The following NFIC variants were observed in gnomAD, a reference collection of about 807,000 sequenced individuals.
NFIC encodes nuclear factor I C.
NFIC carries 12 observed loss-of-function variants against 54.4 expected under a neutral mutation model. That is an observed-to-expected ratio of 0.22 (90% CI 0.14 to 0.36). The LOEUF is 0.36. Ranked by LOEUF, NFIC falls within the 10% of genes least tolerant of loss-of-function variation. The pLI is 1.00. For missense variants in NFIC, 575 were observed against 718.2 expected, an observed-to-expected ratio of 0.80 and a Z score of 2.28; for synonymous variants, 322 against 319.2, an observed-to-expected ratio of 1.01 and a Z score of -0.09.
chr19:3,417,099 A>C (rs1376998323), intron 2 of NFIC, among the ~76,000 whole-genome samples: 3 of 148,256 alleles, frequency 2.0e-5, no homozygotes, highest in African/African-American at 7.4e-5. Context: ...GTTAGCCAGG[A>C]TGGTCTCGAT....
intron 2 of NFIC, among the ~76,000 whole-genome samples, chr19:3,412,284 G>A (rs1452588286): frequency 6.6e-6 from 1 of 152,104 alleles, no homozygotes; most frequent in Non-Finnish European, 1.5e-5. Flanking sequence ...GTCTTGCTCT[G>A]TTGCCCAGGC....
intron 2 of NFIC, among the ~76,000 whole-genome samples, chr19:3,389,948 C>T (rs560663620): frequency 6.6e-6 from 1 of 152,344 alleles, no homozygotes; most frequent in East Asian, 1.9e-4. Flanking sequence ...TGCGCCATTG[C>T]GCTCCAGCCT....
intron 3 of NFIC, among the ~76,000 whole-genome samples, chr19:3,433,300 G>C (rs1235602401): frequency 6.6e-6 from 1 of 152,224 alleles, no homozygotes; most frequent in East Asian, 1.9e-4. Flanking sequence ...CACAGCATGG[G>C]GGAACCCGGA....
chr19:3,377,574 G>A (rs1402331735), intron 1 of NFIC, among the ~76,000 whole-genome samples: 3 of 151,956 alleles, frequency 2.0e-5, no homozygotes, highest in Admixed American at 2.0e-4. Flanking sequence ...CCTTGAGGCT[G>A]AGAAACTAGG....
At chr19:3,420,928 G>A (rs1234741018) in intron 2 of NFIC, among the ~76,000 whole-genome samples, 1 of 152,130 alleles carries the variant, frequency 6.6e-6, no homozygotes, top group Admixed American at 6.6e-5. Context: ...TCACCATGTG[G>A]GGCAGAATGG....
chr19:3,414,484 A>G (rs1353995755), intron 2 of NFIC, among the ~76,000 whole-genome samples: 2 of 151,778 alleles, frequency 1.3e-5, no homozygotes, highest in East Asian at 3.9e-4. Flanking sequence ...AGTCCCAGCT[A>G]CTCTGGAGGC....
chr19:3,388,355 C>T (rs543130119), intron 2 of NFIC, among the ~76,000 whole-genome samples: 9 of 152,200 alleles, frequency 5.9e-5, no homozygotes, highest in Non-Finnish European at 1.2e-4. Flanking sequence ...CCGAGGCCAC[C>T]GCTCACCCTA....
intron 3 of NFIC, among the ~76,000 whole-genome samples, chr19:3,426,314 A>G (rs1379881888): frequency 6.6e-6 from 1 of 152,028 alleles, no homozygotes; most frequent in Non-Finnish European, 1.5e-5. Flanking sequence ...CCTGAGCTCA[A>G]GTGATCCTCC....
rs570101716 is a variant in NFIC, at chr19:3,397,854, G to C, written c.562+15611G>C. 3.3e-5 allele frequency among the ~76,000 whole-genome samples: 5 copies of C among 152,282 alleles called. No individual in the cohort carries two copies. The South Asian group carries it at 1.0e-3, about 32-fold the overall frequency. On this transcript the variant is annotated intron_variant, in intron 2 of 10. Coordinates refer to ENST00000443272, the MANE Select transcript of NFIC (RefSeq NM_001245002.2). ...ACCCTCCCCAAGGTGGACCACTCAT[G>C]TGTCTGACGGGGGTGGGGAGCTGTG...
Position 3,464,327 on chromosome 19 carries a change from C to A in NFIC, c.*1558C>A, listed in dbSNP as rs2082686719. On this transcript the variant is annotated 3_prime_UTR_variant, in exon 11 of 11. Coordinates refer to ENST00000443272, the MANE Select transcript of NFIC (RefSeq NM_001245002.2). ...GGGCCCCCCGCAGCCGTGTAGGGGGCCTCCCATCTGCTAAGCGTTTTTCCG... is the reference window on the plus strand; with the variant it reads ...GGGCCCCCCGCAGCCGTGTAGGGGGACTCCCATCTGCTAAGCGTTTTTCCG... The A allele has an allele frequency of 6.1e-6, 6 of 985,114 alleles. 1 individual carries two copies. In the South Asian group the frequency reaches 2.8e-4, roughly 46 times the overall value. The allele number at this position is 985,114 out of a possible 1,614,324, so 61.0% of individuals were successfully genotyped here.
rs1432357509 is a variant in NFIC at position 3,452,369 on chromosome 19, C to G, written c.1085-113C>G. 2.9e-6 allele frequency: 4 copies of G among 1,386,588 alleles called. No individual in the cohort carries two copies. The allele number at this position is 1,386,588 out of a possible 1,614,324, so 85.9% of individuals were successfully genotyped here. ...TGGGTTTTTTTGGTGGTTATTGTTA[C>G]TAAACGCACTGAGATGCCGGCAGGA... On this transcript the variant is annotated intron_variant, in intron 7 of 10. Coordinates refer to ENST00000443272, the MANE Select transcript of NFIC (RefSeq NM_001245002.2). The surrounding 1 kb of genome is among the most constrained non-coding windows in gnomAD (Gnocchi z 5.3).
intron 2 of NFIC, among the ~76,000 whole-genome samples, chr19:3,412,073 C>T (rs962287421): frequency 6.6e-6 from 1 of 152,108 alleles, no homozygotes; most frequent in Non-Finnish European, 1.5e-5. Context: ...AAAAGATGTT[C>T]ATTTATATGT....
chr19:3,464,824 T>G lies in NFIC; in HGVS notation c.*2055T>G. 2.2e-5 allele frequency: 11 copies of G among 504,670 alleles called. No homozygotes were observed. The highest frequency in any genetic ancestry group is 8.6e-5 in the South Asian group (1 of 11,564). 31.3% of individuals were successfully genotyped at this position (504,670 alleles called of 1,614,324 possible). On this transcript the variant is annotated 3_prime_UTR_variant, in exon 11 of 11. Transcript: ENST00000443272. ...CCGTCCGTCTGTCCTCGGGGCCCGC[T>G]CCCCCGGTGGCCCTTGGGGATCAAA...
rs375198393 is a variant in NFIC, at chr19:3,456,655, C to T, written c.1509+20C>T. 5.3e-4 allele frequency: 421 copies of T among 798,492 alleles called. No homozygotes were observed. In the African/African-American group the frequency reaches 6.6e-3, roughly 13 times the overall value. The allele number at this position is 798,492 out of a possible 1,614,324, so 49.5% of individuals were successfully genotyped here. On this transcript the variant is annotated intron_variant, in intron 10 of 10. Coordinates refer to ENST00000443272, the MANE Select transcript of NFIC (RefSeq NM_001245002.2). ...GCACAGGTAGGGGCCGAGAGGCCGGCTGGTGGGGTGGGAGGGGCAGGGCAG... is the reference window on the plus strand; with the variant it reads ...GCACAGGTAGGGGCCGAGAGGCCGGTTGGTGGGGTGGGAGGGGCAGGGCAG...
At chr19:3,441,808 G>C (rs1375118855) in intron 6 of NFIC, among the ~76,000 whole-genome samples, 2 of 152,182 alleles carry the variant, frequency 1.3e-5, no homozygotes, top group African/African-American at 2.4e-5. Flanking sequence ...AGGAACCCAG[G>C]CAGGCAGGGT....
chr19:3,433,603 C>T lies in NFIC; in HGVS notation c.709+11C>T, dbSNP rs772093338. ...TCCAAGTGTCCCGGAGTGAGTGTTC[C>T]CGTCAGCCCTGAGCTGGGTCTTGGA... On this transcript the variant is annotated intron_variant, in intron 4 of 10. Transcript: ENST00000443272. 2 of 1,613,378 alleles carry T rather than the reference C, an allele frequency of 1.2e-6. No homozygotes were observed. The highest frequency in any genetic ancestry group is 4.5e-5 in the East Asian group (2 of 44,856).
At chr19:3,437,635 CAA>C (rs397860121) in intron 6 of NFIC, among the ~76,000 whole-genome samples, 2 of 77,336 alleles carry the variant, frequency 2.6e-5, no homozygotes, top group Admixed American at 1.8e-4. Flanking sequence ...GACTATGTCT[CAA>C]AAAAAAAAAA....
In NFIC at chr19:3,371,001, C is replaced by T. The variant is rs556310506; in HGVS notation, c.30+4335C>T. Among the ~76,000 whole-genome samples, 3 of 152,348 alleles carry T rather than the reference C, an allele frequency of 2.0e-5. No homozygotes were observed. In the East Asian group the frequency reaches 5.8e-4, roughly 29 times the overall value. On this transcript the variant is annotated intron_variant, in intron 1 of 10. Coordinates refer to ENST00000443272, the MANE Select transcript of NFIC (RefSeq NM_001245002.2). ...CCTGACACCCATACGGACGAGGACACAGCTCTGCCTGCCTCGGATCTGCCT... is the reference window on the plus strand; with the variant it reads ...CCTGACACCCATACGGACGAGGACATAGCTCTGCCTGCCTCGGATCTGCCT...
intron 2 of NFIC, among the ~76,000 whole-genome samples, chr19:3,416,137 C>G (rs917507666): frequency 6.7e-6 from 1 of 149,814 alleles, no homozygotes; most frequent in African/African-American, 2.5e-5. Flanking sequence ...TCCTCCATCC[C>G]GGGCCACAGA....
Sources: gnomAD v4.1 joint callset for allele counts (sites outside exome capture counted in the v4.1 genomes callset) on GRCh38, gnomAD v4.1.1 for gene constraint, Gnocchi (gnomAD v3.1) non-coding constraint, MANE v1.5 for transcripts, NCBI Gene and HGNC (gene_info 2026-07-23, HGNC 2026-07-21) for gene names.